Variants in ATP10B observed in about 807,000 individuals in gnomAD.
ATP10B encodes the protein ATPase phospholipid transporting 10B (putative), also known as phospholipid-transporting ATPase VB.
In ATP10B, 122 loss-of-function variants were observed where a neutral mutation model predicts 141.2. The observed-to-expected ratio is 0.86, with a 90% CI of 0.75 to 1.00. ATP10B has a LOEUF of 1.00. ATP10B is among the 50% of genes least tolerant of loss of function. The pLI, the probability that ATP10B is intolerant of heterozygous loss-of-function variation, is 0.00. For synonymous variants in ATP10B, 685 were observed against 692.0 expected, an observed-to-expected ratio of 0.99 and a Z score of 0.16; for missense variants, 1,876 against 1,825.3, an observed-to-expected ratio of 1.03 and a Z score of -0.51.
At chr5:160,588,340 C>T (rs1756051885) in intron 24 of ATP10B, among the ~76,000 whole-genome samples, 2 of 152,152 alleles carry the variant, frequency 1.3e-5, no homozygotes. Context: ...CTTTGAGTGG[C>T]TCTTATCAGC....
chr5:160,707,258 T>C (rs1177840885), intron 3 of ATP10B, among the ~76,000 whole-genome samples: 1 of 152,200 alleles, frequency 6.6e-6, no homozygotes, highest in Non-Finnish European at 1.5e-5. Context: ...GCCCTCTTTA[T>C]TCTCATCTGA....
intron 8 of ATP10B, 78 bp downstream of exon 8, chr5:160,649,093 G>A: frequency 2.9e-6 from 3 of 1,032,424 alleles, no homozygotes; most frequent in African/African-American, 1.6e-5. Context: ...ATGCTTATTT[G>A]TTTGGTCATT....
intron 1 of ATP10B, among the ~76,000 whole-genome samples, chr5:160,847,503 A>G (rs1208622567): frequency 6.6e-6 from 1 of 152,200 alleles, no homozygotes; most frequent in Non-Finnish European, 1.5e-5. Flanking sequence ...TGGATTACTG[A>G]GAGGGAAAAC....
rs531533698 is a variant in ATP10B, at chr5:160,778,978, G to A, written c.-331+6581C>T. Among the ~76,000 whole-genome samples the A allele has an allele frequency of 5.9e-5, 9 of 152,264 alleles. No individual in the cohort carries two copies. In the South Asian group the frequency reaches 1.7e-3, roughly 28 times the overall value. On this transcript the variant is annotated intron_variant, in intron 2 of 25. Coordinates refer to ENST00000327245, the MANE Select transcript of ATP10B (RefSeq NM_025153.3). ...AGTAGTAGGCGTCTTAAGAGTGACC[G>A]TGGTAAAGAGGGAATGGAATGAAGT...
chr5:160,636,535 G>C (rs1356564027), intron 10 of ATP10B, among the ~76,000 whole-genome samples: 1 of 152,154 alleles, frequency 6.6e-6, no homozygotes, highest in Non-Finnish European at 1.5e-5. Context: ...TAGGCATTAA[G>C]TTTGTTTTAC....
At chr5:160,750,809 C>T (rs1182081448) in intron 2 of ATP10B, among the ~76,000 whole-genome samples, 1 of 152,198 alleles carries the variant, frequency 6.6e-6, no homozygotes, top group African/African-American at 2.4e-5. Flanking sequence ...CTCTCAAGCT[C>T]CACTCCAGCC....
chr5:160,573,425 T>TC (rs1754999605), intron 24 of ATP10B, among the ~76,000 whole-genome samples: 1 of 152,234 alleles, frequency 6.6e-6, no homozygotes, highest in South Asian at 2.1e-4. Flanking sequence ...GCAGCTTTTT[T>TC]CGCTTGCTTT....
At chr5:160,851,420 T>C (rs1014847672) in intron 1 of ATP10B, among the ~76,000 whole-genome samples, 2 of 152,132 alleles carry the variant, frequency 1.3e-5, no homozygotes, top group African/African-American at 4.8e-5. Flanking sequence ...AAAAACACAT[T>C]TTTCTTTAAG....
In ATP10B at chr5:160,835,871, C is replaced by CTA. The variant is rs1561909556; in HGVS notation, c.-576+16068_-576+16069dup. 2.6e-5 allele frequency among the ~76,000 whole-genome samples: 4 copies of CTA among 152,194 alleles called. No individual in the cohort carries two copies. The South Asian group carries it at 8.3e-4, about 32-fold the overall frequency. ...AATTTGATTAAATTGTTCTGGCTTCCTAGTTTGTTTATTTAATAAAATTTG... is the reference window on the plus strand; with the variant it reads ...AATTTGATTAAATTGTTCTGGCTTCCTATAGTTTGTTTATTTAATAAAATTTG... On this transcript the variant is annotated intron_variant, in intron 1 of 25. Coordinates refer to ENST00000327245, the MANE Select transcript of ATP10B (RefSeq NM_025153.3).
At chr5:160,629,478 A>T (rs974405182) in intron 13 of ATP10B, among the ~76,000 whole-genome samples, 3 of 152,182 alleles carry the variant, frequency 2.0e-5, no homozygotes, top group African/African-American at 7.2e-5. Flanking sequence ...GAATTATCAG[A>T]AATTAAAATA....
chr5:160,617,794 AAAG>A (rs1758106250), intron 16 of ATP10B, 67 bp downstream of exon 16: 1 of 1,326,486 alleles, frequency 7.5e-7, no homozygotes, highest in Non-Finnish European at 1.1e-6. Context: ...TTATAAAGAA[AAAG>A]AAGCAGGGTC....
At chr5:160,574,442 T>A (rs77580673) in intron 24 of ATP10B, among the ~76,000 whole-genome samples, 2,211 of 152,052 alleles carry the variant, frequency 0.015, 50 homozygotes, top group African/African-American at 0.049. Context: ...TCAAAAAAAA[T>A]TTTTTTTCTA....
intron 22 of ATP10B, among the ~76,000 whole-genome samples, chr5:160,592,704 C>T (rs1384108954): frequency 6.6e-6 from 1 of 152,210 alleles, no homozygotes; most frequent in Non-Finnish European, 1.5e-5. Flanking sequence ...TCGGGTCACT[C>T]CCACCCTAAT....
intron 9 of ATP10B, among the ~76,000 whole-genome samples, chr5:160,642,736 G>T (rs1759968028): frequency 6.6e-6 from 1 of 152,150 alleles, no homozygotes; most frequent in Non-Finnish European, 1.5e-5. Flanking sequence ...GTCGTATTAG[G>T]CCCTTTTCAC....
rs116658078 is a variant in ATP10B at position 160,833,179 on chromosome 5, C to T, written c.-576+18762G>A. On this transcript the variant is annotated intron_variant, in intron 1 of 25. Coordinates refer to ENST00000327245, the MANE Select transcript of ATP10B (RefSeq NM_025153.3). The stretch of plus-strand genomic sequence containing the variant: ...AACTAGAGAGCAGAGAGAAAATATA[C>T]TACCTCAAAAGTTTATGGTTGTGCT... 6.0e-3 allele frequency among the ~76,000 whole-genome samples: 917 copies of T among 152,268 alleles called. 13 individuals are homozygous for T. Among genetic ancestry groups the T allele is most frequent in the African/African-American group, 0.021 (873 of 41,558 alleles).
At chr5:160,603,304 A>C (rs775415123) in intron 20 of ATP10B, 1 of 154,550 alleles carries the variant, frequency 6.5e-6, no homozygotes, top group Admixed American at 6.3e-5. Flanking sequence ...ATGGAATAGC[A>C]ATCCCTTACA....
the ATP10B span, among the ~76,000 whole-genome samples, chr5:160,922,010 AC>A: frequency 6.6e-6 from 1 of 152,230 alleles, no homozygotes; most frequent in Non-Finnish European, 1.5e-5. Flanking sequence ...GAGATGGGGA[AC>A]ACAACCCCAG....
intron 2 of ATP10B, among the ~76,000 whole-genome samples, chr5:160,784,651 T>C (rs1176323931): frequency 6.6e-6 from 1 of 152,172 alleles, no homozygotes; most frequent in African/African-American, 2.4e-5. Context: ...CCTTGGGTTT[T>C]ATATCTAGAG....
rs149924899 is a variant in ATP10B, at chr5:160,717,701, A to G, written c.-330-667T>C. Among the ~76,000 whole-genome samples, 20 of 152,348 alleles carry G rather than the reference A, an allele frequency of 1.3e-4. No homozygotes were observed. The East Asian group carries it at 3.3e-3, about 25-fold the overall frequency. On this transcript the variant is annotated intron_variant, in intron 2 of 25. Transcript: ENST00000327245. ...ACAGAAGAGGAAACTAGGGCTCAGT[A>G]AAGTTAAATATCCTCCCTAAAACCC...
Sources: gnomAD v4.1 joint callset for allele counts (sites outside exome capture counted in the v4.1 genomes callset) on GRCh38, gnomAD v4.1.1 for gene constraint, MANE v1.5 for transcripts, NCBI Gene and HGNC (gene_info 2026-07-23, HGNC 2026-07-21) for gene names.